Variants in WDR33 observed in about 807,000 individuals in gnomAD.
WDR33 encodes pre-mRNA 3' end processing protein WDR33.
In WDR33, 47 loss-of-function variants were observed where a neutral mutation model predicts 164.9. The observed-to-expected ratio is 0.29, with a 90% CI of 0.23 to 0.36. The LOEUF is 0.36. WDR33 is among the 10% of genes least tolerant of loss of function. The pLI is 1.00. For missense variants in WDR33, 1,137 were observed against 1,754.1 expected (o/e 0.65, Z 6.28); for synonymous variants, 505 against 589.0 (o/e 0.86, Z 2.06).
chr2:127,712,791 T>C lies in WDR33; in HGVS notation c.3308+792A>G, dbSNP rs1686213141. Among the ~76,000 whole-genome samples, 1 of 152,230 alleles carries C rather than the reference T, an allele frequency of 6.6e-6. No homozygotes were observed. The highest frequency in any genetic ancestry group is 1.5e-5 in the Non-Finnish European group (1 of 68,038). The stretch of plus-strand genomic sequence containing the variant: ...GTTTTTCTTTTAAGAGACAGGGTCT[T>C]GCTCTGTAGCCCAGGCTGAAGTGCA... On this transcript the variant is annotated intron_variant, in intron 18 of 21. Transcript: ENST00000322313. This position sits in a 1 kb window ranked among gnomAD's most constrained non-coding sequence, Gnocchi z 4.0.
chr2:127,765,308 T>C (rs1203395554), intron 4 of WDR33, 39 bp from the exon 5 acceptor site: 4 of 1,470,836 alleles, frequency 2.7e-6, no homozygotes, highest in Non-Finnish European at 3.7e-6. Flanking sequence ...ATCCTCCAAC[T>C]TCACTAATTT....
chr2:127,807,240 A>G (rs1387067983), intron 1 of WDR33, among the ~76,000 whole-genome samples: 2 of 152,130 alleles, frequency 1.3e-5, no homozygotes, highest in South Asian at 2.1e-4. Context: ...TCCTGACCTC[A>G]GGTGATCCAC....
intron 1 of WDR33, among the ~76,000 whole-genome samples, chr2:127,800,145 C>T (rs1023583337): frequency 2.0e-5 from 3 of 152,170 alleles, no homozygotes; most frequent in South Asian, 2.1e-4. Flanking sequence ...AGCAATTCTA[C>T]GCCTAGGTAA....
chr2:127,760,959 T>C (rs1471940853), intron 7 of WDR33, among the ~76,000 whole-genome samples: 1 of 152,240 alleles, frequency 6.6e-6, no homozygotes, highest in Admixed American at 6.5e-5. Flanking sequence ...CATCTAAATT[T>C]ACCTGGACTT....
chr2:127,768,968 G>A lies in WDR33; in HGVS notation c.238C>T (p.Arg80Trp), dbSNP rs375512487. The A allele has an allele frequency of 2.1e-5, 33 of 1,584,202 alleles. No individual in the cohort carries two copies. The African/African-American group carries it at 3.4e-4, about 16-fold the overall frequency. ...RIWQRDQRDM[R>W]AIQPDAGYYN... The stretch of plus-strand genomic sequence containing the variant: ...TAACCTGCATCAGGCTGAATTGCCC[G>A]CATATCTCTCTGGTCTCTTTGCCAT... Residue 80 changes from arginine (R) to tryptophan (W), a missense_variant, in exon 3 of 22, where the codon CGG becomes TGG. By Grantham distance (101) the Arg-to-Trp change is moderately radical. This residue lies in a region of WDR33 where 55 missense variants were observed against 84.6 expected (regional missense o/e 0.65). Coordinates refer to ENST00000322313, the MANE Select transcript of WDR33 (RefSeq NM_018383.5).
Position 127,701,981 on chromosome 2 carries a change from A to C in WDR33, c.*4342T>G. ...CCCGGCCCGCGCTGCTCTACATGGC[A>C]GCGCTGGGCGCCACGCTGTTCGCCG... is the stretch of plus-strand genomic sequence containing the variant. On this transcript the variant is annotated 3_prime_UTR_variant, in exon 22 of 22. Transcript: ENST00000322313. 10 of 1,359,092 alleles carry C rather than the reference A, an allele frequency of 7.4e-6. No individual in the cohort carries two copies. The highest frequency in any genetic ancestry group is 9.4e-6 in the Non-Finnish European group (10 of 1,060,000). 84.2% of individuals were successfully genotyped at this position (1,359,092 alleles called of 1,614,324 possible).
At chr2:127,785,321 T>C (rs1348824643) in intron 1 of WDR33, among the ~76,000 whole-genome samples, 1 of 152,152 alleles carries the variant, frequency 6.6e-6, no homozygotes, top group Non-Finnish European at 1.5e-5. Flanking sequence ...GATGCATCAT[T>C]ATCACCCAAA....
At position 127,709,593 on chromosome 2, in the gene WDR33, G is replaced by A. The variant is rs1169475179; in HGVS notation, c.3473-11C>T. 7 of 1,612,656 alleles carry A rather than the reference G, an allele frequency of 4.3e-6. No homozygotes were observed. Among genetic ancestry groups the A allele is most frequent in the Non-Finnish European group, 5.9e-6 (7 of 1,178,864 alleles). On this transcript the variant is annotated splice_polypyrimidine_tract_variant and intron_variant, in intron 19 of 21. Transcript: ENST00000322313. The surrounding 1 kb of genome is among the most constrained non-coding windows in gnomAD (Gnocchi z 5.0). The stretch of plus-strand genomic sequence containing the variant: ...AACCCTTCCTTCCTCCTACACAACA[G>A]AGCAAACAATGCTGCACTCAGACTG...
chr2:127,804,298 G>A (rs527593661), intron 1 of WDR33, among the ~76,000 whole-genome samples: 81 of 152,196 alleles, frequency 5.3e-4, no homozygotes, highest in Non-Finnish European at 1.1e-3. Context: ...GAGACAGAGC[G>A]AGACTCTGTC....
chr2:127,731,642 A>T (rs915068454), intron 7 of WDR33, among the ~76,000 whole-genome samples: 2 of 152,268 alleles, frequency 1.3e-5, no homozygotes, highest in Non-Finnish European at 2.9e-5. Context: ...AAAGACATAT[A>T]ATTGAATACA....
intron 1 of WDR33, among the ~76,000 whole-genome samples, chr2:127,806,402 T>C (rs1436330955): frequency 6.6e-6 from 1 of 151,980 alleles, no homozygotes; most frequent in Non-Finnish European, 1.5e-5. Flanking sequence ...GAGACGAGGT[T>C]ACACAATGTT....
At chr2:127,765,046 A>G (rs1687783122) in intron 5 of WDR33, 67 bp from the exon 6 acceptor site, 4 of 1,580,228 alleles carry the variant, frequency 2.5e-6, no homozygotes, top group African/African-American at 2.7e-5. Flanking sequence ...AAGGCTTACA[A>G]GAGCATATAA....
Position 127,717,079 on chromosome 2 carries a change from CA to C in WDR33, c.2869+75del. 1 of 1,465,498 alleles carries C rather than the reference CA, an allele frequency of 6.8e-7. No homozygotes were observed. The highest frequency in any genetic ancestry group is 9.4e-7 in the Non-Finnish European group (1 of 1,068,792). The allele number at this position is 1,465,498 out of a possible 1,614,324, so 90.8% of individuals were successfully genotyped here. A position where few individuals can be genotyped will look rare whatever the true frequency, so the allele number is the denominator to read the frequency against. On this transcript the variant is annotated intron_variant, in intron 17 of 21. Transcript: ENST00000322313. This position sits in a 1 kb window ranked among gnomAD's most constrained non-coding sequence, Gnocchi z 5.6. Reference sequence around the variant, plus strand: ...AATGACCAGTCTATCAATGACTGGCCAACAAAATTATTCACTGTAAAATGTG... The same window carrying C: ...AATGACCAGTCTATCAATGACTGGCCACAAAATTATTCACTGTAAAATGTG...
At chr2:127,759,189 T>TAA (rs1687605596) in intron 7 of WDR33, among the ~76,000 whole-genome samples, 1 of 152,218 alleles carries the variant, frequency 6.6e-6, no homozygotes, top group Non-Finnish European at 1.5e-5. Flanking sequence ...ATGGTGGACA[T>TAA]ATACATAGTG....
intron 7 of WDR33, among the ~76,000 whole-genome samples, chr2:127,734,015 T>C (rs969148993): frequency 3.3e-5 from 5 of 152,198 alleles, no homozygotes; most frequent in Non-Finnish European, 5.9e-5. Flanking sequence ...ATGAAGTGGA[T>C]AGTCCCTTCT....
chr2:127,714,312 C>A lies in WDR33; in HGVS notation c.2870-291G>T. On this transcript the variant is annotated intron_variant, in intron 17 of 21. Transcript: ENST00000322313. The surrounding 1 kb of genome is among the most constrained non-coding windows in gnomAD (Gnocchi z 4.3). ...GTATACACTGGAAAAATGAGAGAGC[C>A]TCCTGGGCTTCAGAAGGAGCTTCCT... Among the ~76,000 whole-genome samples, 1 of 152,188 alleles carries A rather than the reference C, an allele frequency of 6.6e-6. No individual in the cohort carries two copies. The highest frequency in any genetic ancestry group is 1.9e-4 in the East Asian group (1 of 5,206).
chr2:127,783,472 T>C (rs1688442932), intron 1 of WDR33, among the ~76,000 whole-genome samples: 1 of 152,188 alleles, frequency 6.6e-6, no homozygotes, highest in Non-Finnish European at 1.5e-5. Context: ...CAAAAGGGTT[T>C]TCCTACCCAG....
At chr2:127,796,823 G>A (rs1003494740) in intron 1 of WDR33, among the ~76,000 whole-genome samples, 1 of 151,984 alleles carries the variant, frequency 6.6e-6, no homozygotes, top group African/African-American at 2.4e-5. Flanking sequence ...ACACATTCTG[G>A]TTGTTTGAAT....
In WDR33 at chr2:127,726,215, T is replaced by G. The variant is rs983548517; in HGVS notation, c.851+436A>C. 2.6e-5 allele frequency among the ~76,000 whole-genome samples: 4 copies of G among 152,214 alleles called. No homozygotes were observed. The highest frequency in any genetic ancestry group is 4.8e-5 in the African/African-American group (2 of 41,464). On this transcript the variant is annotated intron_variant, in intron 8 of 21. Coordinates refer to ENST00000322313, the MANE Select transcript of WDR33 (RefSeq NM_018383.5). The surrounding 1 kb of genome is among the most constrained non-coding windows in gnomAD (Gnocchi z 4.8). ...CTAGATTACATAGCTGCATCGTAAG[T>G]AAGCCCATCAGACAAAAAATGAGAA...
Sources: gnomAD v4.1 joint callset for allele counts (sites outside exome capture counted in the v4.1 genomes callset) on GRCh38, gnomAD v4.1.1 for gene constraint, gnomAD v4.1.1 regional missense constraint, Gnocchi (gnomAD v3.1) non-coding constraint, MANE v1.5 for transcripts, NCBI Gene and HGNC (gene_info 2026-07-23, HGNC 2026-07-21) for gene names.